GAD2: variants seen among roughly 807,000 people sequenced by gnomAD.
GAD2 encodes 65 kDa glutamic acid decarboxylase.
Under a neutral mutation model 80.1 loss-of-function variants are expected in GAD2, and 22 were observed. The ratio of observed to expected loss-of-function variants is 0.27; its 90% CI spans 0.20 to 0.39. GAD2 has a LOEUF of 0.39. Ranked by LOEUF, GAD2 falls within the 10% of genes least tolerant of loss-of-function variation. GAD2 has a pLI of 1.00. For synonymous variants in GAD2, 274 were observed against 256.9 expected, an observed-to-expected ratio of 1.07 and a Z score of -0.64; for missense variants, 624 against 738.4, an observed-to-expected ratio of 0.85 and a Z score of 1.80.
intron 11 of GAD2, among the ~76,000 whole-genome samples, chr10:26,278,423 A>G (rs1048665124): frequency 6.6e-6 from 1 of 152,250 alleles, no homozygotes; most frequent in African/African-American, 2.4e-5. Flanking sequence ...TCACCTAAAT[A>G]CATATTATTA....
At chr10:26,228,101 G>A (rs1234694075) in intron 6 of GAD2, among the ~76,000 whole-genome samples, 1 of 152,220 alleles carries the variant, frequency 6.6e-6, no homozygotes, top group Non-Finnish European at 1.5e-5. Context: ...TCACGTGACG[G>A]CAGGACTTGG....
chr10:26,277,150 G>C (rs919952904), intron 11 of GAD2, among the ~76,000 whole-genome samples: 2 of 152,168 alleles, frequency 1.3e-5, no homozygotes, highest in Non-Finnish European at 1.5e-5. Context: ...TAGCATACAG[G>C]GTACTTCATC....
chr10:26,220,237 G>A (rs759241385), intron 4 of GAD2, among the ~76,000 whole-genome samples: 2 of 152,130 alleles, frequency 1.3e-5, no homozygotes, highest in Admixed American at 6.5e-5. Context: ...TTTGTGGATC[G>A]AAGTTGATGT....
rs775468515 is a variant in GAD2 at position 26,269,115 on chromosome 10, C to T, written c.921-4C>T. The T allele has an allele frequency of 1.3e-6, 2 of 1,585,324 alleles. No homozygotes were observed. The highest frequency in any genetic ancestry group is 1.7e-6 in the Non-Finnish European group (2 of 1,164,590). On this transcript the variant is annotated splice_polypyrimidine_tract_variant and splice_region_variant and intron_variant, in intron 8 of 15. Transcript: ENST00000376261. ...AGCAAATCTATATTTCTTTTTCCTT[C>T]CAGAGGGAAAATGATTCCATCTGAT... is the stretch of plus-strand genomic sequence containing the variant.
chr10:26,239,728 G>A lies in GAD2; in HGVS notation c.841-6193G>A, dbSNP rs762640192. On this transcript the variant is annotated intron_variant, in intron 7 of 15. Coordinates refer to ENST00000376261, the MANE Select transcript of GAD2 (RefSeq NM_001134366.2). ...AAATATCTCTGTGTGGAGGTGATAT[G>A]TGAGCAGAGACCTACATTGAATGAG... Among the ~76,000 whole-genome samples, 4 of 152,202 alleles carry A rather than the reference G, an allele frequency of 2.6e-5. No individual in the cohort carries two copies. The South Asian group carries it at 6.2e-4, about 24-fold the overall frequency.
intron 7 of GAD2, among the ~76,000 whole-genome samples, chr10:26,237,392 G>C (rs1844687372): frequency 6.6e-6 from 1 of 152,046 alleles, no homozygotes; most frequent in Non-Finnish European, 1.5e-5. Context: ...TGTAAAATGG[G>C]GATGATGATA....
chr10:26,271,102 C>A (rs1262687528), intron 10 of GAD2, among the ~76,000 whole-genome samples: 1 of 152,118 alleles, frequency 6.6e-6, no homozygotes, highest in Non-Finnish European at 1.5e-5. Context: ...TCCTCACTTA[C>A]CAGAATGGTC....
At chr10:26,248,613 C>T (rs1844839387) in intron 8 of GAD2, among the ~76,000 whole-genome samples, 1 of 152,182 alleles carries the variant, frequency 6.6e-6, no homozygotes, top group Admixed American at 6.5e-5. Context: ...CTTGCTAGTG[C>T]CTGGAATTTC....
intron 15 of GAD2, 69 bp from the exon 16 acceptor site, chr10:26,300,719 T>C (rs1317802770): frequency 7.1e-7 from 1 of 1,413,702 alleles, no homozygotes; most frequent in Non-Finnish European, 9.8e-7. Context: ...CGCTGCTTGC[T>C]GTTGGGTTCT....
At position 26,217,842 on chromosome 10, in the gene GAD2, C is replaced by G. The variant is rs750087314; in HGVS notation, c.137C>G (p.Ala46Gly). The G allele has an allele frequency of 2.9e-5, 47 of 1,603,078 alleles. No individual in the cohort carries two copies. Among genetic ancestry groups the G allele is most frequent in the Non-Finnish European group, 3.9e-5 (46 of 1,174,820 alleles). ...GCCCGCGTTCGGTGTCCTTACCCAG[C>G]CCTGCTCTACGGAGACGCCGAGAAG... The part of the protein sequence containing the change: ...FTGGIGNKLC[A>G]LLYGDAEKPA... Residue 46 changes from alanine to glycine, a missense_variant and splice_region_variant, in exon 3 of 16, where the codon GCC becomes GGC. Physicochemically the swap from Ala to Gly is moderately conservative, Grantham distance 60. Coordinates refer to ENST00000376261, the MANE Select transcript of GAD2 (RefSeq NM_001134366.2). The surrounding 1 kb of genome is among the most constrained non-coding windows in gnomAD (Gnocchi z 4.9).
chr10:26,221,453 G>C (rs1844450818), intron 4 of GAD2, among the ~76,000 whole-genome samples: 1 of 152,248 alleles, frequency 6.6e-6, no homozygotes, highest in South Asian at 2.1e-4. Flanking sequence ...TGCATTTGCA[G>C]AGATCATTAG....
chr10:26,284,564 C>CTTTTTTT (rs35046451), intron 12 of GAD2, among the ~76,000 whole-genome samples: 32 of 93,156 alleles, frequency 3.4e-4, no homozygotes, highest in African/African-American at 7.1e-4. Flanking sequence ...GGCTGTTCAG[C>CTTTTTTT]TTTTTTTTTT....
intron 3 of GAD2, 25 bp downstream of exon 3, chr10:26,218,016 G>A (rs1475833832): frequency 1.3e-6 from 2 of 1,578,744 alleles, no homozygotes; most frequent in Middle Eastern, 1.7e-4. Context: ...GGGAGCCCCG[G>A]GGCGCCCCTG....
intron 15 of GAD2, among the ~76,000 whole-genome samples, chr10:26,293,950 G>T (rs1218299961): frequency 6.6e-6 from 1 of 152,208 alleles, no homozygotes; most frequent in African/African-American, 2.4e-5. Flanking sequence ...CAGAAAGTCT[G>T]CATCCGAGCC....
At chr10:26,218,908 A>C in intron 3 of GAD2, 135 bp from the exon 4 acceptor site, 1 of 586,718 alleles carries the variant, frequency 1.7e-6, no homozygotes, top group Non-Finnish European at 2.8e-6. Context: ...TTTAAAGAAA[A>C]ATGTTCTGCC....
intron 4 of GAD2, among the ~76,000 whole-genome samples, chr10:26,219,959 G>A (rs1034750876): frequency 6.6e-6 from 1 of 152,150 alleles, no homozygotes; most frequent in African/African-American, 2.4e-5. Context: ...GATATCCTTA[G>A]GGGGAAATTT....
At chr10:26,242,947 C>G (rs1844761265) in intron 7 of GAD2, among the ~76,000 whole-genome samples, 1 of 152,146 alleles carries the variant, frequency 6.6e-6, no homozygotes, top group African/African-American at 2.4e-5. Context: ...GTTGGGGCAG[C>G]TGGCTGTCTC....
chr10:26,247,708 C>T (rs555938808), intron 8 of GAD2, among the ~76,000 whole-genome samples: 2 of 151,744 alleles, frequency 1.3e-5, no homozygotes, highest in East Asian at 3.9e-4. Context: ...CCAGCCTGGC[C>T]AACATGGTGA....
chr10:26,244,937 A>C (rs1236641355), intron 7 of GAD2, among the ~76,000 whole-genome samples: 1 of 152,102 alleles, frequency 6.6e-6, no homozygotes, highest in Non-Finnish European at 1.5e-5. Context: ...GGATCACCTG[A>C]GGTCAGGAGT....
Sources: allele counts gnomAD v4.1 joint callset (sites outside exome capture counted in the v4.1 genomes callset), GRCh38; gene constraint gnomAD v4.1.1; non-coding constraint Gnocchi (gnomAD v3.1); transcripts MANE v1.5; gene names NCBI Gene and HGNC (gene_info 2026-07-23, HGNC 2026-07-21).